The following ARHGAP23 variants were observed in gnomAD, a reference collection of about 807,000 sequenced individuals.
The protein encoded by ARHGAP23 is rho GTPase-activating protein 23.
ARHGAP23 carries 34 observed loss-of-function variants against 136.3 expected under a neutral mutation model. That is an observed-to-expected ratio of 0.25 (90% CI 0.19 to 0.33). The LOEUF is 0.33. Ranked by LOEUF, ARHGAP23 falls within the 10% of genes least tolerant of loss-of-function variation. The pLI, the probability that ARHGAP23 is intolerant of heterozygous loss-of-function variation, is 1.00. For missense variants in ARHGAP23, 1,808 were observed against 2,139.0 expected (o/e 0.85, Z 3.05); for synonymous variants, 832 against 920.5 (o/e 0.90, Z 1.74).
Position 38,510,508 on chromosome 17 carries a change from C to A in ARHGAP23, c.4012C>A (p.Pro1338Thr). The A allele has an allele frequency of 8.8e-7, 1 of 1,136,330 alleles. No individual in the cohort carries two copies. Among genetic ancestry groups the A allele is most frequent in the South Asian group, 4.2e-5 (1 of 23,544 alleles). 70.4% of individuals were successfully genotyped at this position (1,136,330 alleles called of 1,614,324 possible). Residue 1338 changes from proline (P) to threonine (T), a missense_variant, in exon 24 of 24, where the codon CCC (proline) becomes ACC (threonine). By Grantham distance (38) the Pro-to-Thr change is conservative. This residue lies in a region of ARHGAP23 where 506 missense variants were observed against 455.8 expected (regional missense o/e 1.11). Transcript: ENST00000622683. The surrounding 1 kb of genome is among the most constrained non-coding windows in gnomAD (Gnocchi z 4.6). Reference sequence around the variant, plus strand: ...CGGCGAGGGCGCGGGCCGGGGCGGTCCCCGCGCCCCGGAGCCGCCCGGCTC... The same window carrying A: ...CGGCGAGGGCGCGGGCCGGGGCGGTACCCGCGCCCCGGAGCCGCCCGGCTC... ...PDGEGAGRGG[P>T]RAPEPPGSAS... is the part of the protein sequence containing the mutation.
chr17:38,488,423 G>A (rs2040203067), intron 17 of ARHGAP23, among the ~76,000 whole-genome samples: 1 of 152,160 alleles, frequency 6.6e-6, no homozygotes, highest in African/African-American at 2.4e-5. Flanking sequence ...TTGATTTGCG[G>A]GAGAAAAGCT....
chr17:38,453,023 G>A (rs1186437974), intron 1 of ARHGAP23, among the ~76,000 whole-genome samples: 1 of 152,204 alleles, frequency 6.6e-6, no homozygotes, highest in African/African-American at 2.4e-5. Context: ...TGTAGCACTC[G>A]AGGGGCTGTG....
chr17:38,423,882 C>A (rs2038544546), upstream of ARHGAP23, among the ~76,000 whole-genome samples: 1 of 152,180 alleles, frequency 6.6e-6, no homozygotes, highest in South Asian at 2.1e-4. Context: ...TGAGCTGGGG[C>A]CAGGTGTAGG....
intron 23 of ARHGAP23, among the ~76,000 whole-genome samples, chr17:38,506,137 G>A (rs922514695): frequency 6.6e-6 from 1 of 152,180 alleles, no homozygotes; most frequent in Non-Finnish European, 1.5e-5. Flanking sequence ...TTTGGTCATC[G>A]CTGATTCCTA....
At chr17:38,449,187 A>C (rs2039101977) in intron 1 of ARHGAP23, among the ~76,000 whole-genome samples, 1 of 152,124 alleles carries the variant, frequency 6.6e-6, no homozygotes, top group East Asian at 1.9e-4. Flanking sequence ...GGATGTCTGG[A>C]GTGACAAGTG....
chr17:38,470,029 C>G, intron 10 of ARHGAP23, 125 bp downstream of exon 10: 1 of 1,225,576 alleles, frequency 8.2e-7, no homozygotes, highest in Non-Finnish European at 1.2e-6. Context: ...CTCCTCCTCC[C>G]TGCACCCCTC....
At chr17:38,439,326 T>C (rs1202470824) in intron 1 of ARHGAP23, among the ~76,000 whole-genome samples, 1 of 152,140 alleles carries the variant, frequency 6.6e-6, no homozygotes, top group Non-Finnish European at 1.5e-5. Flanking sequence ...TCAAATATCT[T>C]CCGTAAAGCC....
chr17:38,498,198 C>T (rs529792818), intron 21 of ARHGAP23, among the ~76,000 whole-genome samples: 53 of 152,246 alleles, frequency 3.5e-4, no homozygotes, highest in Non-Finnish European at 1.9e-4. Context: ...CTGGCCTTCG[C>T]GGTTCCCAGG....
chr17:38,454,573 C>G (rs1364368807), intron 1 of ARHGAP23, among the ~76,000 whole-genome samples: 3 of 152,152 alleles, frequency 2.0e-5, no homozygotes. Context: ...GACCTGGACA[C>G]GGCACACGAG....
At chr17:38,419,313 G>A (rs2038495730) in exon 1 of ARHGAP23, 1 of 152,234 alleles carries the variant, frequency 6.6e-6, no homozygotes, top group East Asian at 1.9e-4. Flanking sequence ...CAGCTGCCCG[G>A]ACAGGGCGCA....
intron 17 of ARHGAP23, among the ~76,000 whole-genome samples, chr17:38,487,600 C>CTT (rs929966112): frequency 3.3e-5 from 5 of 152,198 alleles, no homozygotes; most frequent in Admixed American, 6.5e-5. Context: ...GGCATGGTGG[C>CTT]TTATGCCTGT....
rs932113153 is a variant in ARHGAP23 at position 38,462,928 on chromosome 17, G to T, written c.336G>T (p.Ala112=). 1.2e-5 allele frequency: 19 copies of T among 1,541,848 alleles called. No individual in the cohort carries two copies. Among genetic ancestry groups the T allele is most frequent in the African/African-American group, 2.8e-5 (2 of 72,244 alleles). The change falls in exon 4 of 24, where the codon GCG becomes GCT. Residue 112 remains alanine (A), a synonymous_variant. Coordinates refer to ENST00000622683, the MANE Select transcript of ARHGAP23 (RefSeq NM_001199417.2). ...NVKEDGPAHR[A]GLRTGDRLVK... is the part of the protein sequence containing the mutation. ...AGGAAGACGGCCCTGCCCATAGGGC[G>T]GGGCTTCGCACAGGTGAGCTGGCCC...
Position 38,491,494 on chromosome 17 carries a change from C to T in ARHGAP23, c.3238C>T (p.Pro1080Ser). The change falls in exon 20 of 24, where the codon CCT (proline) becomes TCT (serine). Residue 1080 changes from proline (P) to serine (S), a missense_variant. By Grantham distance (74) the Pro-to-Ser change is moderately conservative. This residue lies in a region of ARHGAP23 where 22 missense variants were observed against 67.5 expected (regional missense o/e 0.33). Transcript: ENST00000622683. ...CATGACAGACATGGTGACCCACATG[C>T]CTGACCGCTACAAGATCGTGGAGAC... ...DNMTDMVTHM[P>S]DRYKIVETLI... 6.5e-7 allele frequency: 1 copy of T among 1,549,594 alleles called. No homozygotes were observed. The highest frequency in any genetic ancestry group is 2.0e-5 in the Admixed American group (1 of 51,000).
intron 10 of ARHGAP23, among the ~76,000 whole-genome samples, chr17:38,471,316 C>A (rs2039751789): frequency 6.6e-6 from 1 of 152,232 alleles, no homozygotes; most frequent in Non-Finnish European, 1.5e-5. Context: ...GTCAAGCGCT[C>A]TGTCTCATTG....
At position 38,466,790 on chromosome 17, in the gene ARHGAP23, A is replaced by T; in HGVS notation, c.1107A>T (p.Ala369=). The T allele has an allele frequency of 6.5e-7, 1 of 1,549,324 alleles. No homozygotes were observed. The change falls in exon 7 of 24, where the codon GCA becomes GCT. Residue 369 remains alanine (A), a synonymous_variant. Transcript: ENST00000622683. ...TRSAEALGPG[A]LVSPRFERCG... ...CTGCCGAGGCACTGGGGCCAGGGGC[A>T]CTGGTGTCACCCCGCTTTGAGCGGT...
Position 38,469,891 on chromosome 17 carries a change from T to G in ARHGAP23, c.1961T>G (p.Phe654Cys). ...RIPSLRMLRS[F>C]FTDGSLDSWG... ...CCCAGCCTGCGGATGCTCCGGAGCT[T>G]CTTCACCGACGGGGTGAGAGCTGCA... Residue 654 changes from phenylalanine (F) to cysteine (C), a missense_variant, in exon 10 of 24, where the codon TTC (phenylalanine) becomes TGC (cysteine). Physicochemically the swap from Phe to Cys is radical, Grantham distance 205 (BLOSUM62 -2). This residue lies in a region of ARHGAP23 where 859 missense variants were observed against 936.4 expected (regional missense o/e 0.92). Transcript: ENST00000622683. The G allele has an allele frequency of 1.9e-6, 3 of 1,551,696 alleles. No homozygotes were observed. Among genetic ancestry groups the G allele is most frequent in the Admixed American group, 2.0e-5 (1 of 51,008 alleles).
intron 1 of ARHGAP23, among the ~76,000 whole-genome samples, chr17:38,437,452 C>A (rs2038822270): frequency 6.6e-6 from 1 of 151,984 alleles, no homozygotes. Flanking sequence ...CATAGCAAGA[C>A]CCTGTCTCTA....
In ARHGAP23 at chr17:38,490,093, G is replaced by C. The variant is rs1420949575; in HGVS notation, c.2987-9G>C. On this transcript the variant is annotated splice_polypyrimidine_tract_variant and intron_variant, in intron 17 of 23. Transcript: ENST00000622683. ...CCCACCTCTCTAAAGAGTCTCCGCTGTGTTCTAGACAAATACAACGACTTC... is the reference window on the plus strand; with the variant it reads ...CCCACCTCTCTAAAGAGTCTCCGCTCTGTTCTAGACAAATACAACGACTTC... 3.9e-6 allele frequency: 6 copies of C among 1,551,470 alleles called. No individual in the cohort carries two copies. The highest frequency in any genetic ancestry group is 5.2e-6 in the Non-Finnish European group (6 of 1,146,784).
chr17:38,469,948 G>A, intron 10 of ARHGAP23, 44 bp downstream of exon 10: 7 of 1,546,594 alleles, frequency 4.5e-6, no homozygotes, highest in Non-Finnish European at 6.1e-6. Context: ...GCGAGGGTGT[G>A]GGGAGAGAGG....
Sources: gnomAD v4.1 joint callset for allele counts (sites outside exome capture counted in the v4.1 genomes callset) on GRCh38, gnomAD v4.1.1 for gene constraint, gnomAD v4.1.1 regional missense constraint, Gnocchi (gnomAD v3.1) non-coding constraint, MANE v1.5 for transcripts, NCBI Gene and HGNC (gene_info 2026-07-23, HGNC 2026-07-21) for gene names.